ASAP1: variants seen among roughly 807,000 people sequenced by gnomAD.
ASAP1 encodes the protein arf-GAP with SH3 domain, ANK repeat and PH domain-containing protein 1.
In ASAP1, 43 loss-of-function variants were observed where a neutral mutation model predicts 145.2. The observed-to-expected ratio is 0.30, with a 90% confidence interval of 0.23 to 0.38. ASAP1 has a LOEUF of 0.38. Ranked by LOEUF, ASAP1 falls within the 10% of genes least tolerant of loss-of-function variation. The pLI, the probability that ASAP1 is intolerant of heterozygous loss-of-function variation, is 1.00. For synonymous variants in ASAP1, 546 were observed against 515.5 expected, an observed-to-expected ratio of 1.06 and a Z score of -0.80; for missense variants, 1,018 against 1,355.3, an observed-to-expected ratio of 0.75 and a Z score of 3.91.
chr8:130,065,736 G>GCCA (rs2097429412), intron 27 of ASAP1, among the ~76,000 whole-genome samples: 1 of 152,116 alleles, frequency 6.6e-6, no homozygotes, highest in South Asian at 2.1e-4. Flanking sequence ...CAGCAATGCC[G>GCCA]CCACCTAAAA....
chr8:130,150,015 T>C (rs2097642381), intron 13 of ASAP1, among the ~76,000 whole-genome samples: 1 of 152,178 alleles, frequency 6.6e-6, no homozygotes, highest in Non-Finnish European at 1.5e-5. Context: ...TCAACAGATT[T>C]CAGTATTGTC....
At chr8:130,372,031 AG>A (rs1827237069) in intron 2 of ASAP1, among the ~76,000 whole-genome samples, 1 of 152,208 alleles carries the variant, frequency 6.6e-6, no homozygotes, top group Non-Finnish European at 1.5e-5. Context: ...TATATTTAAG[AG>A]GCTTAGGGAT....
At chr8:130,063,556 T>C (rs1415433111) in intron 27 of ASAP1, among the ~76,000 whole-genome samples, 1 of 152,078 alleles carries the variant, frequency 6.6e-6, no homozygotes, top group Non-Finnish European at 1.5e-5. Context: ...AGGAGAGAGA[T>C]GGGACTACAG....
At chr8:130,238,219 T>C (rs1818326597) in intron 3 of ASAP1, among the ~76,000 whole-genome samples, 1 of 152,052 alleles carries the variant, frequency 6.6e-6, no homozygotes, top group Non-Finnish European at 1.5e-5. Context: ...TCAACGTCAT[T>C]CCTCGGATTT....
chr8:130,284,440 A>G (rs1821468269), intron 3 of ASAP1, among the ~76,000 whole-genome samples: 1 of 151,124 alleles, frequency 6.6e-6, no homozygotes, highest in South Asian at 2.1e-4. Context: ...AATTGTAGTA[A>G]CTCAACTTTT....
Position 130,236,996 on chromosome 8 carries a change from T to TAAAA in ASAP1, c.187-6_187-3dup. The stretch of plus-strand genomic sequence containing the variant: ...GGCTGTTCTATCTTGGTCTAGAGCC[T>TAAAA]AAAAGAGAAAAAAGGGGGAAAAGAT... On this transcript the variant is annotated splice_polypyrimidine_tract_variant and splice_region_variant and intron_variant, in intron 3 of 29. Coordinates refer to ENST00000518721, the MANE Select transcript of ASAP1 (RefSeq NM_018482.4). The TAAAA allele has an allele frequency of 6.3e-7, 1 of 1,574,938 alleles. No individual in the cohort carries two copies. The highest frequency in any genetic ancestry group is 1.2e-5 in the South Asian group (1 of 84,214).
intron 3 of ASAP1, among the ~76,000 whole-genome samples, chr8:130,342,529 C>T (rs77825006): frequency 0.011 from 1,669 of 152,174 alleles, 28 homozygotes; most frequent in African/African-American, 0.039. Flanking sequence ...CCTAGGGAAG[C>T]AGAGGCCCAA....
chr8:130,106,243 A>G (rs1209104208), intron 24 of ASAP1, among the ~76,000 whole-genome samples: 1 of 152,238 alleles, frequency 6.6e-6, no homozygotes, highest in East Asian at 1.9e-4. Context: ...GTGACAGCCT[A>G]TGAGAAGCTT....
rs1045519154 is a variant in ASAP1, at chr8:130,401,786, C to T, written c.59+99G>A. On this transcript the variant is annotated intron_variant, in intron 2 of 29. Transcript: ENST00000518721. ...ACACAGTCTCTGTTAGATTCCAGTG[C>T]TTGTGTTTGATAAAATTTTGCATTT... 2.4e-5 allele frequency: 27 copies of T among 1,103,506 alleles called. No individual in the cohort carries two copies. In the African/African-American group the frequency reaches 4.0e-4, roughly 16 times the overall value. 68.4% of individuals were successfully genotyped at this position (1,103,506 alleles called of 1,614,324 possible). A position where few individuals can be genotyped will look rare whatever the true frequency, so the allele number is the denominator to read the frequency against.
intron 27 of ASAP1, among the ~76,000 whole-genome samples, chr8:130,072,949 G>A (rs1311438249): frequency 6.6e-6 from 1 of 150,886 alleles, no homozygotes; most frequent in African/African-American, 2.4e-5. Context: ...TTGGTGTGTG[G>A]GGAAAAATCC....
At chr8:130,249,624 T>A (rs1474012427) in intron 3 of ASAP1, among the ~76,000 whole-genome samples, 1 of 152,204 alleles carries the variant, frequency 6.6e-6, no homozygotes, top group African/African-American at 2.4e-5. Context: ...ACTAGTGCTA[T>A]GAGAGCACCT....
chr8:130,093,698 A>T (rs563716871), intron 24 of ASAP1, among the ~76,000 whole-genome samples: 1 of 150,216 alleles, frequency 6.7e-6, no homozygotes, highest in African/African-American at 2.4e-5. Context: ...AAGAAAGCTA[A>T]GAACACTGCC....
At chr8:130,288,902 C>G (rs1450467543) in intron 3 of ASAP1, among the ~76,000 whole-genome samples, 1 of 152,168 alleles carries the variant, frequency 6.6e-6, no homozygotes, top group Non-Finnish European at 1.5e-5. Context: ...TTATACTTAC[C>G]AAGGCTGGGC....
At chr8:130,058,843 TC>T (rs1211125258) in intron 28 of ASAP1, among the ~76,000 whole-genome samples, 1 of 152,206 alleles carries the variant, frequency 6.6e-6, no homozygotes, top group African/African-American at 2.4e-5. Flanking sequence ...CCCTGATAGT[TC>T]CAGCTGCTTT....
chr8:130,182,355 G>C (rs189778458), intron 7 of ASAP1, among the ~76,000 whole-genome samples: 1 of 152,342 alleles, frequency 6.6e-6, no homozygotes, highest in East Asian at 1.9e-4. Flanking sequence ...ATTTGGAAGA[G>C]CAAGGCTGAA....
intron 25 of ASAP1, among the ~76,000 whole-genome samples, chr8:130,091,473 T>G (rs1015075876): frequency 6.6e-6 from 1 of 151,772 alleles, no homozygotes; most frequent in South Asian, 2.1e-4. Flanking sequence ...GAAGATAGAG[T>G]GGCAGGAGAG....
intron 1 of ASAP1, among the ~76,000 whole-genome samples, chr8:130,441,452 GT>G (rs372971749): frequency 4.6e-4 from 70 of 152,316 alleles, no homozygotes; most frequent in African/African-American, 1.5e-3. Context: ...TACAGCAGTG[GT>G]TGGGTGAAAA....
At chr8:130,115,322 T>C (rs1317073203) in intron 23 of ASAP1, among the ~76,000 whole-genome samples, 1 of 152,238 alleles carries the variant, frequency 6.6e-6, no homozygotes, top group Non-Finnish European at 1.5e-5. Context: ...CATTAACTCC[T>C]GCTGGGATTT....
At chr8:130,343,540 C>G (rs973636483) in intron 3 of ASAP1, among the ~76,000 whole-genome samples, 1 of 152,188 alleles carries the variant, frequency 6.6e-6, no homozygotes, top group African/African-American at 2.4e-5. Flanking sequence ...CTAGGCTGCC[C>G]AGGGCTGGAA....
Sources: gnomAD v4.1 joint callset for allele counts (sites outside exome capture counted in the v4.1 genomes callset) on GRCh38, gnomAD v4.1.1 for gene constraint, MANE v1.5 for transcripts, NCBI Gene and HGNC (gene_info 2026-07-23, HGNC 2026-07-21) for gene names.